Variants in PDAP1 observed in about 807,000 individuals in gnomAD.
PDAP1 encodes the protein 28 kDa heat- and acid-stable phosphoprotein.
PDAP1 carries 13 observed loss-of-function variants against 28.0 expected under a neutral mutation model. The observed-to-expected ratio is 0.46, with a 90% CI of 0.30 to 0.74. The LOEUF is 0.74. Ranked by LOEUF, PDAP1 falls within the 30% of genes least tolerant of loss-of-function variation. The pLI is 0.07. For missense variants in PDAP1, 150 were observed against 230.0 expected (o/e 0.65, Z 2.25); for synonymous variants, 77 against 85.1 (o/e 0.91, Z 0.52).
intron 1 of PDAP1, among the ~76,000 whole-genome samples, chr7:99,407,401 G>A (rs1794996406): frequency 6.6e-6 from 1 of 152,212 alleles, no homozygotes; most frequent in Non-Finnish European, 1.5e-5. Flanking sequence ...AACAATAGCA[G>A]AGAGACTTTT....
In PDAP1 at chr7:99,394,919, T is replaced by C; in HGVS notation, c.*1763A>G. ...TGGGAGCAATCCTTCTGCCTCAGCC[T>C]CCCAAGTAGCTGGGACTCCAGGGAG... is the stretch of plus-strand genomic sequence containing the variant. On this transcript the variant is annotated 3_prime_UTR_variant, in exon 6 of 6. Coordinates refer to ENST00000350498, the MANE Select transcript of PDAP1 (RefSeq NM_014891.7). The C allele has an allele frequency of 1.1e-6, 1 of 871,996 alleles. No homozygotes were observed. 54.0% of individuals were successfully genotyped at this position (871,996 alleles called of 1,614,324 possible).
At position 99,408,583 on chromosome 7, in the gene PDAP1, C is replaced by A. The variant is rs1299827464; in HGVS notation, c.-35G>T. The A allele has an allele frequency of 7.6e-5, 95 of 1,257,488 alleles. No individual in the cohort carries two copies. The highest frequency in any genetic ancestry group is 9.2e-5 in the Non-Finnish European group (92 of 997,136). 77.9% of individuals were successfully genotyped at this position (1,257,488 alleles called of 1,614,324 possible). A position where few individuals can be genotyped will look rare whatever the true frequency, so the allele number is the denominator to read the frequency against. Reference sequence around the variant, plus strand: ...GGCGGCTGCGGCGGCGGCGGCGGCGCCTCGAACTGACACCGGAACCGGAAA... The same window carrying A: ...GGCGGCTGCGGCGGCGGCGGCGGCGACTCGAACTGACACCGGAACCGGAAA... On this transcript the variant is annotated 5_prime_UTR_variant, in exon 1 of 6. Coordinates refer to ENST00000350498, the MANE Select transcript of PDAP1 (RefSeq NM_014891.7).
At chr7:99,399,889 G>A (rs867757975) in intron 4 of PDAP1, among the ~76,000 whole-genome samples, 1 of 152,338 alleles carries the variant, frequency 6.6e-6, no homozygotes. Context: ...TGGCTGAGCT[G>A]CGCTGGGCTG....
chr7:99,402,412 C>T (rs1267143183), intron 3 of PDAP1, among the ~76,000 whole-genome samples: 1 of 151,158 alleles, frequency 6.6e-6, no homozygotes, highest in Non-Finnish European at 1.5e-5. Context: ...TGGAGACCAC[C>T]TGGGCAATAT....
At position 99,395,711 on chromosome 7, in the gene PDAP1, G is replaced by A. The variant is rs1410122969; in HGVS notation, c.*971C>T. The A allele has an allele frequency of 6.6e-6, 1 of 152,276 alleles. No individual in the cohort carries two copies. Among genetic ancestry groups the A allele is most frequent in the African/African-American group, 2.4e-5 (1 of 41,462 alleles). 9.4% of individuals were successfully genotyped at this position (152,276 alleles called of 1,614,324 possible). ...GACACCTACAGGCCAGGCCAGGCCA[G>A]GATCCTGGTGCTGCTTCAGCCTACT... On this transcript the variant is annotated 3_prime_UTR_variant, in exon 6 of 6. Transcript: ENST00000350498.
At chr7:99,405,151 C>T (rs1190958055) in intron 1 of PDAP1, among the ~76,000 whole-genome samples, 198 bp from the exon 2 acceptor site, 1 of 152,114 alleles carries the variant, frequency 6.6e-6, no homozygotes, top group African/African-American at 2.4e-5. Context: ...TGATGCATCA[C>T]CAAACTGTGT....
Position 99,407,808 on chromosome 7 carries a change from C to G in PDAP1, c.13+728G>C, listed in dbSNP as rs143002737. 4.9e-3 allele frequency among the ~76,000 whole-genome samples: 750 copies of G among 152,272 alleles called. 6 individuals are homozygous for G. The highest frequency in any genetic ancestry group is 0.017 in the African/African-American group (726 of 41,536). On this transcript the variant is annotated intron_variant, in intron 1 of 5. Coordinates refer to ENST00000350498, the MANE Select transcript of PDAP1 (RefSeq NM_014891.7). ...AACGGGCTAGAAGATAGAGGACGGG[C>G]TACAATGGACTGGGCAGTCATGAAC...
intron 1 of PDAP1, among the ~76,000 whole-genome samples, chr7:99,407,118 T>A (rs1794985973): frequency 6.6e-6 from 1 of 152,222 alleles, no homozygotes; most frequent in Non-Finnish European, 1.5e-5. Context: ...GCACTTAACA[T>A]AATGGAAACA....
intron 3 of PDAP1, among the ~76,000 whole-genome samples, chr7:99,402,439 C>T (rs567169414): frequency 6.6e-6 from 1 of 151,446 alleles, no homozygotes; most frequent in African/African-American, 2.4e-5. Context: ...ATCCCTATCT[C>T]TACAAAAAAT....
intron 2 of PDAP1, 133 bp downstream of exon 2, chr7:99,404,729 C>A (rs1794937818): frequency 3.2e-6 from 2 of 627,976 alleles, no homozygotes; most frequent in East Asian, 5.5e-5. Context: ...ACACCTGGGG[C>A]TCACTGCCCG....
In PDAP1 at chr7:99,408,519, C is replaced by G; in HGVS notation, c.13+17G>C. On this transcript the variant is annotated intron_variant, in intron 1 of 5. Transcript: ENST00000350498. The stretch of plus-strand genomic sequence containing the variant: ...CCGCCCCTCCAGGCCTGCGGGCCAC[C>G]GGCGCCCGCCCCTCACCTCCTTTAG... The G allele has an allele frequency of 7.6e-7, 1 of 1,320,146 alleles. No homozygotes were observed. The highest frequency in any genetic ancestry group is 2.0e-5 in the South Asian group (1 of 50,600). The allele number at this position is 1,320,146 out of a possible 1,614,324, so 81.8% of individuals were successfully genotyped here. A position where few individuals can be genotyped will look rare whatever the true frequency, so the allele number is the denominator to read the frequency against.
chr7:99,402,927 TCAACAGCTACA>T (rs982378708), intron 3 of PDAP1, among the ~76,000 whole-genome samples: 2 of 150,890 alleles, frequency 1.3e-5, no homozygotes, highest in African/African-American at 4.9e-5. Flanking sequence ...GCCAACCCCT[TCAACAGCTACA>T]CAGGAGGTGC....
intron 3 of PDAP1, 63 bp from the exon 4 acceptor site, chr7:99,400,487 C>T (rs942063585): frequency 6.3e-7 from 1 of 1,597,284 alleles, no homozygotes; most frequent in Non-Finnish European, 8.6e-7. Context: ...GAGGGCCACT[C>T]CTGCCATCTC....
intron 3 of PDAP1, among the ~76,000 whole-genome samples, chr7:99,401,774 C>T (rs1412942110): frequency 6.6e-6 from 1 of 150,848 alleles, no homozygotes; most frequent in African/African-American, 2.4e-5. Flanking sequence ...TCTTGGCTCA[C>T]TGCACTCCGC....
chr7:99,398,140 T>G (rs904046678), intron 4 of PDAP1, 127 bp from the exon 5 acceptor site: 1 of 993,168 alleles, frequency 1.0e-6, no homozygotes, highest in African/African-American at 1.6e-5. Flanking sequence ...TGGCTGTGAG[T>G]CCCTGCCTCC....
chr7:99,408,565 GC>G lies in PDAP1; in HGVS notation c.-18del. 1 of 1,225,496 alleles carries G rather than the reference GC, an allele frequency of 8.2e-7. No individual in the cohort carries two copies. The highest frequency in any genetic ancestry group is 1.0e-6 in the Non-Finnish European group (1 of 975,204). 75.9% of individuals were successfully genotyped at this position (1,225,496 alleles called of 1,614,324 possible). Reference sequence around the variant, plus strand: ...TTTAGGCATTGCGGCTCCGGCGGCTGCGGCGGCGGCGGCGGCGCCTCGAACT... The same window carrying G: ...TTTAGGCATTGCGGCTCCGGCGGCTGGGCGGCGGCGGCGGCGCCTCGAACT... On this transcript the variant is annotated 5_prime_UTR_variant, in exon 1 of 6. Transcript: ENST00000350498.
Position 99,398,023 on chromosome 7 carries a change from T to TA in PDAP1, c.336-11dup. On this transcript the variant is annotated splice_polypyrimidine_tract_variant and intron_variant, in intron 4 of 5. Transcript: ENST00000350498. ...CTTCTCAATCTCTTCTCTGTGTGGA[T>TA]AAAATGGTGTCATGGGGACATCTTT... 1 of 1,614,022 alleles carries TA rather than the reference T, an allele frequency of 6.2e-7. No homozygotes were observed. The highest frequency in any genetic ancestry group is 1.1e-5 in the South Asian group (1 of 91,090).
intron 2 of PDAP1, among the ~76,000 whole-genome samples, chr7:99,403,827 CAGA>C (rs2150906871): frequency 6.6e-6 from 1 of 152,256 alleles, no homozygotes; most frequent in South Asian, 2.1e-4. Context: ...TTCCTGGGGT[CAGA>C]AGGACTCAGC....
At chr7:99,408,006 G>A (rs1309300921) in intron 1 of PDAP1, among the ~76,000 whole-genome samples, 1 of 152,174 alleles carries the variant, frequency 6.6e-6, no homozygotes, top group Non-Finnish European at 1.5e-5. Flanking sequence ...ATTGGCAAAT[G>A]AGAAAACGGA....
Sources: gnomAD v4.1 joint callset for allele counts (sites outside exome capture counted in the v4.1 genomes callset) on GRCh38, gnomAD v4.1.1 for gene constraint, MANE v1.5 for transcripts, NCBI Gene and HGNC (gene_info 2026-07-23, HGNC 2026-07-21) for gene names.